Variants in GTPBP1 observed in about 807,000 individuals in gnomAD.
The protein encoded by GTPBP1 is GTP binding protein 1.
Under a neutral mutation model 62.0 loss-of-function variants are expected in GTPBP1, and 23 were observed. The observed-to-expected ratio is 0.37, with a 90% confidence interval of 0.27 to 0.53. The LOEUF is 0.53. GTPBP1 is among the 20% of genes least tolerant of loss of function. The pLI is 0.89. For synonymous variants in GTPBP1, 344 were observed against 364.4 expected (o/e 0.94, Z 0.64); for missense variants, 640 against 917.3 (o/e 0.70, Z 3.90).
Position 38,730,054 on chromosome 22 carries a change from C to T in GTPBP1, c.1917+392C>T, listed in dbSNP as rs2092748688. Among the ~76,000 whole-genome samples the T allele has an allele frequency of 6.6e-6, 1 of 152,194 alleles. No individual in the cohort carries two copies. The highest frequency in any genetic ancestry group is 2.1e-4 in the South Asian group (1 of 4,824). On this transcript the variant is annotated intron_variant, in intron 11 of 11. Transcript: ENST00000216044. The surrounding 1 kb of genome is among the most constrained non-coding windows in gnomAD (Gnocchi z 5.6). Reference sequence around the variant, plus strand: ...AGAGACACTGCCTTAGAGGGTCCTCCTCTGTCCCCTCCCTGACGTGCACAC... The same window carrying T: ...AGAGACACTGCCTTAGAGGGTCCTCTTCTGTCCCCTCCCTGACGTGCACAC...
At chr22:38,707,461 C>T (rs953242736) in intron 1 of GTPBP1, among the ~76,000 whole-genome samples, 1 of 152,212 alleles carries the variant, frequency 6.6e-6, no homozygotes, top group Non-Finnish European at 1.5e-5. Context: ...TTGGTCCTGT[C>T]TTGTGCCTGT....
chr22:38,715,708 A>G (rs1180261044), intron 2 of GTPBP1, among the ~76,000 whole-genome samples, 199 bp from the exon 3 acceptor site: 6 of 152,126 alleles, frequency 3.9e-5, no homozygotes, highest in Non-Finnish European at 7.3e-5. Flanking sequence ...GCTCTGCTTG[A>G]TGGAGAGGTC....
At chr22:38,717,810 A>G (rs988233702) in intron 4 of GTPBP1, among the ~76,000 whole-genome samples, 1 of 152,146 alleles carries the variant, frequency 6.6e-6, no homozygotes, top group African/African-American at 2.4e-5. Context: ...AACCTTGTGC[A>G]CATCTCCACA....
chr22:38,740,809 C>T (rs1051444617), downstream of GTPBP1: 10 of 621,378 alleles, frequency 1.6e-5, no homozygotes, highest in African/African-American at 3.7e-5. This position sits in a 1 kb window ranked among gnomAD's most constrained non-coding sequence, Gnocchi z 4.8. Flanking sequence ...GCCCTCAGGA[C>T]CCCCCTGCTA....
chr22:38,712,854 A>G (rs1307764144), intron 2 of GTPBP1, among the ~76,000 whole-genome samples: 3 of 152,148 alleles, frequency 2.0e-5, no homozygotes, highest in African/African-American at 7.2e-5. Context: ...TTCACAGCTC[A>G]CTTTGCCGTG....
rs552369610 is a variant in GTPBP1 at position 38,730,494 on chromosome 22, G to A, written c.1918-118G>A. On this transcript the variant is annotated intron_variant, in intron 11 of 11. Transcript: ENST00000216044. The surrounding 1 kb of genome is among the most constrained non-coding windows in gnomAD (Gnocchi z 5.6). Reference sequence around the variant, plus strand: ...TAAATTCCTGGTCAGGCTAGGGTGAGGACCACGCAGCCTGCTCACGCATCT... The same window carrying A: ...TAAATTCCTGGTCAGGCTAGGGTGAAGACCACGCAGCCTGCTCACGCATCT... The A allele has an allele frequency of 9.7e-5, 70 of 719,390 alleles. No individual in the cohort carries two copies. The South Asian group carries it at 1.0e-3, about 10-fold the overall frequency. 44.6% of individuals were successfully genotyped at this position (719,390 alleles called of 1,614,324 possible). A position where few individuals can be genotyped will look rare whatever the true frequency, so the allele number is the denominator to read the frequency against.
rs1227065506 is a variant in GTPBP1 at position 38,716,656 on chromosome 22, G to A, written c.490G>A (p.Ala164Thr). 1.2e-6 allele frequency: 2 copies of A among 1,611,012 alleles called. No individual in the cohort carries two copies. Among genetic ancestry groups the A allele is most frequent in the South Asian group, 1.1e-5 (1 of 90,782 alleles). ...GDNDFLEVRV[A>T]VVGNVDAGKS... The stretch of plus-strand genomic sequence containing the variant: ...TATGGGTTCATCTACACGCAGGGTA[G>A]CAGTGGTGGGCAACGTGGATGCTGG... The change falls in exon 4 of 12, where the codon GCA (alanine) becomes ACA (threonine). Residue 164 changes from alanine (A) to threonine (T), a missense_variant. Ala to Thr is a moderately conservative substitution (Grantham distance 58). Coordinates refer to ENST00000216044, the MANE Select transcript of GTPBP1 (RefSeq NM_004286.5). The surrounding 1 kb of genome is among the most constrained non-coding windows in gnomAD (Gnocchi z 5.2).
chr22:38,706,775 C>G (rs2092607649), intron 1 of GTPBP1: 1 of 152,268 alleles, frequency 6.6e-6, no homozygotes, highest in Admixed American at 6.5e-5. Flanking sequence ...CTTAGTCTCG[C>G]TATCCTGTGA....
chr22:38,722,947 T>C, intron 5 of GTPBP1: 3 of 933,272 alleles, frequency 3.2e-6, no homozygotes, highest in Non-Finnish European at 3.6e-6. Flanking sequence ...TTGGGGTCAG[T>C]TATGAAGAGA....
Position 38,731,074 on chromosome 22 carries a change from C to A in GTPBP1, c.*370C>A, listed in dbSNP as rs973233436. 1.2e-5 allele frequency: 2 copies of A among 173,078 alleles called. No homozygotes were observed. Among genetic ancestry groups the A allele is most frequent in the Admixed American group, 6.0e-5 (1 of 16,738 alleles). The allele number at this position is 173,078 out of a possible 1,614,324, so 10.7% of individuals were successfully genotyped here. On this transcript the variant is annotated 3_prime_UTR_variant, in exon 12 of 12. Transcript: ENST00000216044. ...TGGTGCAGGAGTGCCACCCCCAGGG[C>A]CCTGTCAACCTCTCTTTTCTCCTCC...
downstream of GTPBP1, chr22:38,738,392 C>T (rs962154811): frequency 1.8e-6 from 2 of 1,096,372 alleles, no homozygotes; most frequent in Non-Finnish European, 2.6e-6. This position sits in a 1 kb window ranked among gnomAD's most constrained non-coding sequence, Gnocchi z 6.6. Context: ...TCACTTCACT[C>T]TCTTGTGCCA....
downstream of GTPBP1, chr22:38,738,043 T>G: frequency 6.0e-6 from 5 of 837,902 alleles, no homozygotes; most frequent in Non-Finnish European, 1.0e-5. The surrounding 1 kb of genome is among the most constrained non-coding windows in gnomAD (Gnocchi z 6.6). Context: ...TATCACATCT[T>G]GAGCTGTGGG....
chr22:38,722,910 T>C (rs916473485), intron 5 of GTPBP1: 7 of 1,156,270 alleles, frequency 6.1e-6, no homozygotes, highest in Admixed American at 1.7e-5. Context: ...TGGGAGGTCA[T>C]TGACGCTCAA....
At chr22:38,740,185 G>C (rs1272832870), downstream of GTPBP1, 5 of 1,435,290 alleles carry the variant, frequency 3.5e-6, no homozygotes, top group Admixed American at 1.1e-4. The surrounding 1 kb of genome is among the most constrained non-coding windows in gnomAD (Gnocchi z 4.8). Context: ...AGGGGCAAGG[G>C]GTGCTGCTTT....
At chr22:38,739,306 C>T (rs370553876), downstream of GTPBP1, 8 of 1,607,946 alleles carry the variant, frequency 5.0e-6, no homozygotes, top group African/African-American at 1.1e-4. The surrounding 1 kb of genome is among the most constrained non-coding windows in gnomAD (Gnocchi z 6.7). Context: ...TTGCGGGGTC[C>T]AGGACAAGGC....
At chr22:38,706,382 C>T (rs1032146145) in intron 1 of GTPBP1, 1 of 335,528 alleles carries the variant, frequency 3.0e-6, no homozygotes. Context: ...CCCAGCCTCC[C>T]GCCCTCCCGT....
At position 38,725,997 on chromosome 22, in the gene GTPBP1, T is replaced by G. The variant is rs770261087; in HGVS notation, c.1074-9T>G. The G allele has an allele frequency of 6.2e-7, 1 of 1,613,308 alleles. No homozygotes were observed. Among genetic ancestry groups the G allele is most frequent in the East Asian group, 2.2e-5 (1 of 44,858 alleles). ...CTCCTTTTTTCCTTCCTCTTCTCCC[T>G]CTGCTTAGGATGTGCCCGATATTCC... On this transcript the variant is annotated splice_polypyrimidine_tract_variant and intron_variant, in intron 6 of 11. Transcript: ENST00000216044.
At chr22:38,718,525 C>T (rs1011250294) in intron 4 of GTPBP1, among the ~76,000 whole-genome samples, 2 of 152,128 alleles carry the variant, frequency 1.3e-5, no homozygotes, top group Non-Finnish European at 2.9e-5. Context: ...TTGGGAAGAG[C>T]AAAAGCAAGT....
At chr22:38,738,116 C>G (rs753770163), downstream of GTPBP1, 2 of 1,499,304 alleles carry the variant, frequency 1.3e-6, no homozygotes, top group Admixed American at 3.3e-5. This position sits in a 1 kb window ranked among gnomAD's most constrained non-coding sequence, Gnocchi z 6.6. Flanking sequence ...CCAGGGAGCA[C>G]CTGCTGCCTG....
Sources: gnomAD v4.1 joint callset for allele counts (sites outside exome capture counted in the v4.1 genomes callset) on GRCh38, gnomAD v4.1.1 for gene constraint, Gnocchi (gnomAD v3.1) non-coding constraint, MANE v1.5 for transcripts, NCBI Gene and HGNC (gene_info 2026-07-23, HGNC 2026-07-21) for gene names.